Variants in ATXN1 observed in about 807,000 individuals in gnomAD.
ATXN1 encodes ataxin 1.
A neutral mutation model predicts 56.4 loss-of-function variants in ATXN1; 8 were observed. The observed-to-expected ratio is 0.14, with a 90% CI of 0.08 to 0.26. The LOEUF is 0.26. Among genes scored for constraint, ATXN1 ranks in the 10% least tolerant of loss-of-function variants. The probability of loss-of-function intolerance (pLI) is 1.00; values close to 1 mark genes in which losing one functional copy is unlikely to be tolerated. For synonymous variants in ATXN1, 514 were observed against 494.6 expected, an observed-to-expected ratio of 1.04 and a Z score of -0.52; for missense variants, 987 against 1,106.5, an observed-to-expected ratio of 0.89 and a Z score of 1.53.
At chr6:16,474,590 T>TGGG (rs1429265441) in intron 6 of ATXN1, among the ~76,000 whole-genome samples, 1 of 152,214 alleles carries the variant, frequency 6.6e-6, no homozygotes, top group Non-Finnish European at 1.5e-5. Flanking sequence ...TTACACAGTA[T>TGGG]ATGCTAACTG....
intron 2 of ATXN1, among the ~76,000 whole-genome samples, chr6:16,725,299 C>A (rs530275537): frequency 6.6e-6 from 1 of 152,266 alleles, no homozygotes; most frequent in South Asian, 2.1e-4. Context: ...TCCGATACTG[C>A]GTGTTTTCAT....
At chr6:16,347,959 C>A (rs527713548) in intron 6 of ATXN1, among the ~76,000 whole-genome samples, 1 of 152,160 alleles carries the variant, frequency 6.6e-6, no homozygotes, top group Non-Finnish European at 1.5e-5. Context: ...TAACACTCAC[C>A]GGAAAGGTCT....
intron 6 of ATXN1, among the ~76,000 whole-genome samples, chr6:16,351,429 G>A (rs1172673139): frequency 6.7e-6 from 1 of 149,362 alleles, no homozygotes; most frequent in Non-Finnish European, 1.5e-5. Flanking sequence ...TTGAAACAAG[G>A]TCTCACTCTG....
chr6:16,536,449 T>C (rs1001374801), intron 4 of ATXN1, among the ~76,000 whole-genome samples: 6 of 152,194 alleles, frequency 3.9e-5, no homozygotes, highest in Non-Finnish European at 7.3e-5. Context: ...GTGTTCACTG[T>C]ACAATTCTTA....
At chr6:16,487,593 G>C (rs1760574852) in intron 5 of ATXN1, among the ~76,000 whole-genome samples, 1 of 152,102 alleles carries the variant, frequency 6.6e-6, no homozygotes, top group Non-Finnish European at 1.5e-5. Flanking sequence ...ATTTTACTTG[G>C]TACTTGCTAA....
At chr6:16,610,831 C>T (rs777910865) in intron 3 of ATXN1, among the ~76,000 whole-genome samples, 17 of 149,970 alleles carry the variant, frequency 1.1e-4, no homozygotes, top group Non-Finnish European at 2.2e-4. Flanking sequence ...TAAAACCACC[C>T]GGGACAACAC....
intron 4 of ATXN1, among the ~76,000 whole-genome samples, chr6:16,557,478 T>C (rs1026170992): frequency 6.6e-6 from 1 of 152,150 alleles, no homozygotes; most frequent in Non-Finnish European, 1.5e-5. Flanking sequence ...TATTTATCTA[T>C]AAACTTATAT....
At chr6:16,455,149 A>G (rs1759839031) in intron 6 of ATXN1, among the ~76,000 whole-genome samples, 1 of 152,202 alleles carries the variant, frequency 6.6e-6, no homozygotes, top group South Asian at 2.1e-4. Context: ...GTAACACCCA[A>G]TCTAACCAGG....
chr6:16,369,357 C>G (rs9477093), intron 6 of ATXN1, among the ~76,000 whole-genome samples: 11,334 of 152,232 alleles, frequency 0.074, 1,439 homozygotes, highest in African/African-American at 0.25. Flanking sequence ...GTACCTCCAC[C>G]CACATGGATG....
At chr6:16,614,151 C>T (rs576275614) in intron 3 of ATXN1, among the ~76,000 whole-genome samples, 1 of 151,646 alleles carries the variant, frequency 6.6e-6, no homozygotes, top group Admixed American at 6.6e-5. Context: ...GTCAGCTTGC[C>T]CATTTGTATG....
At chr6:16,400,159 G>C (rs1348787435) in intron 6 of ATXN1, among the ~76,000 whole-genome samples, 1 of 152,188 alleles carries the variant, frequency 6.6e-6, no homozygotes, top group Non-Finnish European at 1.5e-5. Context: ...CCTTAGGTCT[G>C]TCTGTCCTTC....
chr6:16,662,802 G>A (rs746423885), intron 2 of ATXN1, among the ~76,000 whole-genome samples: 22 of 152,114 alleles, frequency 1.4e-4, no homozygotes, highest in Non-Finnish European at 2.8e-4. Flanking sequence ...GTTAATTTGC[G>A]TCATTTAACT....
intron 5 of ATXN1, among the ~76,000 whole-genome samples, chr6:16,491,277 ATTTTTTTT>A (rs57395401): frequency 2.3e-5 from 3 of 132,222 alleles, no homozygotes; most frequent in African/African-American, 5.9e-5. Context: ...TATTATTATT[ATTTTTTTT>A]TTTTTTTTTT....
chr6:16,689,680 T>C (rs1023516575), intron 2 of ATXN1, among the ~76,000 whole-genome samples: 17 of 152,172 alleles, frequency 1.1e-4, no homozygotes, highest in Non-Finnish European at 7.4e-5. Context: ...TGTTTTGATA[T>C]AGCTACATAT....
chr6:16,742,181 C>T (rs1454013999), intron 2 of ATXN1, among the ~76,000 whole-genome samples: 2 of 151,846 alleles, frequency 1.3e-5, no homozygotes, highest in Non-Finnish European at 2.9e-5. Context: ...AAAAAAAATC[C>T]AAATCAAACC....
intron 5 of ATXN1, among the ~76,000 whole-genome samples, chr6:16,514,961 G>A (rs956316739): frequency 2.6e-5 from 4 of 151,502 alleles, no homozygotes; most frequent in Admixed American, 6.6e-5. Flanking sequence ...CCAGCCTGGC[G>A]ACAGAGCGAG....
chr6:16,472,935 C>T (rs1456889594), intron 6 of ATXN1, among the ~76,000 whole-genome samples: 3 of 152,172 alleles, frequency 2.0e-5, no homozygotes, highest in African/African-American at 7.2e-5. Flanking sequence ...ATCTGAGCTA[C>T]AAAAGTGGCC....
At chr6:16,572,519 G>A (rs1762350908) in intron 4 of ATXN1, among the ~76,000 whole-genome samples, 1 of 152,120 alleles carries the variant, frequency 6.6e-6, no homozygotes, top group African/African-American at 2.4e-5. Context: ...ATTGCTGACA[G>A]GGAGGTTTTC....
rs41267704 is a variant in ATXN1 at position 16,306,983 on chromosome 6, G to T, written c.1918-124C>A. 0.011 allele frequency: 12,870 copies of T among 1,164,460 alleles called. 116 individuals carry two copies. Among genetic ancestry groups the T allele is most frequent in the Middle Eastern group, 0.014 (47 of 3,386 alleles). The allele number at this position is 1,164,460 out of a possible 1,614,324, so 72.1% of individuals were successfully genotyped here. On this transcript the variant is annotated intron_variant, in intron 7 of 7. Coordinates refer to ENST00000436367, the MANE Select transcript of ATXN1 (RefSeq NM_001128164.2). The surrounding 1 kb of genome is among the most constrained non-coding windows in gnomAD (Gnocchi z 5.2). ...CACACAGACACACACAGGCTGAATG[G>T]GGGAAAATGACTCAGTTTGCAAACC... is the stretch of plus-strand genomic sequence containing the variant.
Sources: gnomAD v4.1 joint callset for allele counts (sites outside exome capture counted in the v4.1 genomes callset) on GRCh38, gnomAD v4.1.1 for gene constraint, Gnocchi (gnomAD v3.1) non-coding constraint, MANE v1.5 for transcripts, NCBI Gene and HGNC (gene_info 2026-07-23, HGNC 2026-07-21) for gene names.